The following GALNTL6 variants were observed in gnomAD, a reference collection of about 807,000 sequenced individuals.
The protein encoded by GALNTL6 is polypeptide N-acetylgalactosaminyltransferase like 6, also known as polypeptide N-acetylgalactosaminyltransferase-like 6.
Under a neutral mutation model 73.7 loss-of-function variants are expected in GALNTL6, and 46 were observed. The ratio of observed to expected loss-of-function variants is 0.62; its 90% CI spans 0.49 to 0.80. GALNTL6 has a LOEUF of 0.80. Ranked by LOEUF, GALNTL6 falls within the 30% of genes least tolerant of loss-of-function variation. The pLI is 0.00. For missense variants in GALNTL6, 604 were observed against 755.0 expected, an observed-to-expected ratio of 0.80 and a Z score of 2.34; for synonymous variants, 259 against 263.7, an observed-to-expected ratio of 0.98 and a Z score of 0.17.
chr4:172,284,849 T>A (rs1387225072), intron 3 of GALNTL6, among the ~76,000 whole-genome samples: 1 of 152,194 alleles, frequency 6.6e-6, no homozygotes, highest in Non-Finnish European at 1.5e-5. Context: ...GGTCTATATA[T>A]CTGTTTTTAT....
At position 173,004,137 on chromosome 4, in the gene GALNTL6, A is replaced by G. The variant is rs114831326; in HGVS notation, c.1372-5041A>G. On this transcript the variant is annotated intron_variant, in intron 10 of 12. Transcript: ENST00000506823. The stretch of plus-strand genomic sequence containing the variant: ...CTGTGGCAAGCTGTGTGAGCTGTGA[A>G]CACGCCACTGCAGTCTAGCCTGGGC... Among the ~76,000 whole-genome samples the G allele has an allele frequency of 6.6e-3, 1,009 of 151,736 alleles. 13 individuals carry two copies. Among genetic ancestry groups the G allele is most frequent in the African/African-American group, 0.022 (926 of 41,356 alleles).
At chr4:172,407,257 AT>A (rs1387563429) in intron 5 of GALNTL6, among the ~76,000 whole-genome samples, 14 of 152,010 alleles carry the variant, frequency 9.2e-5, no homozygotes, top group Non-Finnish European at 1.5e-5. Context: ...CAATAATCTG[AT>A]TTAGGGTGTA....
At chr4:172,983,556 G>A (rs943258503) in intron 10 of GALNTL6, among the ~76,000 whole-genome samples, 3 of 152,132 alleles carry the variant, frequency 2.0e-5, no homozygotes, top group Non-Finnish European at 2.9e-5. Flanking sequence ...GTAGCCGGGC[G>A]TGGTGGCACA....
At chr4:172,123,835 T>C (rs987112006) in intron 2 of GALNTL6, among the ~76,000 whole-genome samples, 1 of 152,204 alleles carries the variant, frequency 6.6e-6, no homozygotes, top group Admixed American at 6.5e-5. Context: ...AATTAATCTC[T>C]GTAATTAATT....
At chr4:172,840,299 A>T (rs897103646) in intron 7 of GALNTL6, among the ~76,000 whole-genome samples, 2 of 152,206 alleles carry the variant, frequency 1.3e-5, no homozygotes, top group African/African-American at 4.8e-5. Context: ...GTAAACACTG[A>T]ATTTAAATTC....
chr4:171,921,302 T>G (rs893606677), intron 2 of GALNTL6, among the ~76,000 whole-genome samples: 5 of 152,120 alleles, frequency 3.3e-5, no homozygotes, highest in Non-Finnish European at 5.9e-5. Context: ...TGTTTTGCTT[T>G]TAGGATAAAA....
chr4:172,578,894 T>A (rs1308622878), intron 5 of GALNTL6, among the ~76,000 whole-genome samples: 1 of 152,164 alleles, frequency 6.6e-6, no homozygotes, highest in Non-Finnish European at 1.5e-5. Flanking sequence ...TGAGTGAGGT[T>A]TTGCAACATG....
chr4:172,822,310 T>A, intron 7 of GALNTL6, among the ~76,000 whole-genome samples: 1 of 152,092 alleles, frequency 6.6e-6, no homozygotes, highest in Admixed American at 6.6e-5. Flanking sequence ...TTGAACCACT[T>A]TTTTTCTCAC....
intron 2 of GALNTL6, among the ~76,000 whole-genome samples, chr4:172,168,602 G>T (rs1473528089): frequency 6.6e-6 from 1 of 151,962 alleles, no homozygotes; most frequent in Non-Finnish European, 1.5e-5. Context: ...GGTGGTGGTG[G>T]TGGTGGTAAC....
chr4:171,926,887 CT>C (rs1560844526), intron 2 of GALNTL6, among the ~76,000 whole-genome samples: 1 of 151,994 alleles, frequency 6.6e-6, no homozygotes, highest in Non-Finnish European at 1.5e-5. Flanking sequence ...ATAGTTTCTA[CT>C]TTTTTTGTAT....
intron 3 of GALNTL6, among the ~76,000 whole-genome samples, chr4:172,289,578 T>C (rs1167758662): frequency 1.3e-5 from 2 of 152,236 alleles, no homozygotes; most frequent in Non-Finnish European, 2.9e-5. Flanking sequence ...TTTCAAAACC[T>C]ACTCTTTTGA....
intron 5 of GALNTL6, among the ~76,000 whole-genome samples, chr4:172,645,196 T>G (rs1740181770): frequency 6.6e-6 from 1 of 152,028 alleles, no homozygotes; most frequent in Admixed American, 6.6e-5. Flanking sequence ...GATAATAAAT[T>G]TAATAAAGGT....
intron 2 of GALNTL6, among the ~76,000 whole-genome samples, chr4:172,029,236 T>A (rs1741688795): frequency 6.6e-6 from 1 of 152,044 alleles, no homozygotes; most frequent in African/African-American, 2.4e-5. Flanking sequence ...GCAATTCTTA[T>A]GAAACTAAGT....
At chr4:171,906,548 C>T (rs1737284184) in intron 2 of GALNTL6, among the ~76,000 whole-genome samples, 1 of 151,986 alleles carries the variant, frequency 6.6e-6, no homozygotes, top group Non-Finnish European at 1.5e-5. Context: ...GATTCACAGC[C>T]AAATTCTACC....
intron 9 of GALNTL6, among the ~76,000 whole-genome samples, chr4:172,935,748 T>C (rs559551237): frequency 6.6e-6 from 1 of 152,280 alleles, no homozygotes; most frequent in East Asian, 1.9e-4. Flanking sequence ...GTCAAATCCC[T>C]GAATAGACCA....
chr4:172,605,932 G>GCTGAAGAGGCCAGGCTCCTCCC (rs1318524845), intron 5 of GALNTL6, among the ~76,000 whole-genome samples: 1 of 152,092 alleles, frequency 6.6e-6, no homozygotes, highest in Admixed American at 6.6e-5. Context: ...CCATACAGGA[G>GCTGAAGAGGCCAGGCTCCTCCC]CTGAAGAGGC....
chr4:172,354,768 A>G (rs1742093444), intron 5 of GALNTL6, among the ~76,000 whole-genome samples: 1 of 152,142 alleles, frequency 6.6e-6, no homozygotes, highest in Admixed American at 6.5e-5. Context: ...TCTCCCTCTT[A>G]CTTGTAAATT....
intron 4 of GALNTL6, among the ~76,000 whole-genome samples, chr4:172,326,373 T>C (rs1740941983): frequency 6.6e-6 from 1 of 152,016 alleles, no homozygotes; most frequent in Non-Finnish European, 1.5e-5. Context: ...CTTCATATTT[T>C]TGGAAGCTTT....
At chr4:171,822,367 G>A (rs1734708335) in intron 2 of GALNTL6, among the ~76,000 whole-genome samples, 1 of 152,146 alleles carries the variant, frequency 6.6e-6, no homozygotes, top group South Asian at 2.1e-4. Context: ...AAGTTTGTAG[G>A]TGGGCCTCAT....
Sources: allele counts gnomAD v4.1 joint callset (sites outside exome capture counted in the v4.1 genomes callset), GRCh38; gene constraint gnomAD v4.1.1; transcripts MANE v1.5; gene names NCBI Gene and HGNC (gene_info 2026-07-23, HGNC 2026-07-21).